Variants in RASA1 observed in about 807,000 individuals in gnomAD.
RASA1 encodes the protein RAS p21 protein activator 1.
A neutral mutation model predicts 132.2 loss-of-function variants in RASA1; 25 were observed. The observed-to-expected ratio is 0.19, with a 90% confidence interval of 0.14 to 0.26. RASA1 has a LOEUF of 0.26. Ranked by LOEUF, RASA1 falls within the 10% of genes least tolerant of loss-of-function variation. The pLI is 1.00. For missense variants in RASA1, 964 were observed against 1,299.2 expected (o/e 0.74, Z 3.97); for synonymous variants, 477 against 449.9 (o/e 1.06, Z -0.76).
At chr5:87,351,056 C>G in intron 8 of RASA1, among the ~76,000 whole-genome samples, 1 of 151,488 alleles carries the variant, frequency 6.6e-6, no homozygotes, top group East Asian at 1.9e-4. Flanking sequence ...TCGAACACAG[C>G]CATACTCTGC....
chr5:87,299,241 C>T (rs903697467), intron 1 of RASA1, among the ~76,000 whole-genome samples: 1 of 152,144 alleles, frequency 6.6e-6, no homozygotes, highest in Non-Finnish European at 1.5e-5. Flanking sequence ...TTTTGAGAAA[C>T]ATAGTAATAG....
Position 87,372,238 on chromosome 5 carries a change from T to A in RASA1, c.1776+43T>A, listed in dbSNP as rs370633071. The A allele has an allele frequency of 5.0e-5, 78 of 1,547,776 alleles. No homozygotes were observed. The African/African-American group carries it at 1.0e-3, about 20-fold the overall frequency. On this transcript the variant is annotated intron_variant, in intron 13 of 24. Coordinates refer to ENST00000274376, the MANE Select transcript of RASA1 (RefSeq NM_002890.3). ...TGGATTTTTAATTGTCACATTTTGC[T>A]CTAACACTTTGCTCTTTTTATTTTA...
chr5:87,319,109 G>T (rs920468096), intron 1 of RASA1, among the ~76,000 whole-genome samples: 3 of 152,222 alleles, frequency 2.0e-5, no homozygotes, highest in Non-Finnish European at 4.4e-5. Flanking sequence ...GATGCAAGGG[G>T]TGGCCTCCTA....
intron 1 of RASA1, among the ~76,000 whole-genome samples, chr5:87,298,836 C>A (rs1230913293): frequency 2.0e-5 from 3 of 152,146 alleles, no homozygotes; most frequent in Non-Finnish European, 2.9e-5. Flanking sequence ...AATTACTAGC[C>A]AGTTAACAAG....
At position 87,376,952 on chromosome 5, in the gene RASA1, G is replaced by A. The variant is rs1388677749; in HGVS notation, c.2256G>A (p.Leu752=). 1.2e-5 allele frequency: 19 copies of A among 1,611,180 alleles called. No homozygotes were observed. In the East Asian group the frequency reaches 4.2e-4, roughly 36 times the overall value. ...TATGTGGACAAGACCGAACACTACT[G>A]GCCAGCATCCTACTGAGGATTTTTC... is the stretch of plus-strand genomic sequence containing the variant. The part of the protein sequence containing the change: ...SHVCGQDRTL[L]ASILLRIFLH... The change falls in exon 17 of 25, where the codon CTG becomes CTA. Residue 752 remains leucine, a synonymous_variant. Coordinates refer to ENST00000274376, the MANE Select transcript of RASA1 (RefSeq NM_002890.3).
intron 8 of RASA1, among the ~76,000 whole-genome samples, chr5:87,352,193 A>G (rs1225708660): frequency 6.6e-6 from 1 of 151,638 alleles, no homozygotes; most frequent in African/African-American, 2.4e-5. Flanking sequence ...TATTAAGTTC[A>G]TTCATACACT....
chr5:87,375,073 C>A (rs1452648516), intron 15 of RASA1, among the ~76,000 whole-genome samples, 157 bp downstream of exon 15: 2 of 151,956 alleles, frequency 1.3e-5, no homozygotes, highest in Non-Finnish European at 2.9e-5. Context: ...TATTGATTAT[C>A]AAGAAAGAAT....
intron 23 of RASA1, among the ~76,000 whole-genome samples, chr5:87,388,157 G>A (rs1457313380): frequency 6.6e-6 from 1 of 152,130 alleles, no homozygotes; most frequent in African/African-American, 2.4e-5. Context: ...TTATTCTAAA[G>A]TCCTTTCTAC....
chr5:87,299,155 A>G (rs575771242), intron 1 of RASA1, among the ~76,000 whole-genome samples: 1 of 152,344 alleles, frequency 6.6e-6, no homozygotes, highest in South Asian at 2.1e-4. Flanking sequence ...AGTCATTAAT[A>G]TACTAAACAA....
intron 24 of RASA1, among the ~76,000 whole-genome samples, chr5:87,390,083 T>TTCTA (rs1453913286): frequency 4.6e-5 from 7 of 152,234 alleles, no homozygotes; most frequent in Admixed American, 1.3e-4. Context: ...ATTGATAGAC[T>TTCTA]TCTATCTGCC....
intron 1 of RASA1, among the ~76,000 whole-genome samples, chr5:87,303,410 G>A (rs1755466537): frequency 6.6e-6 from 1 of 151,320 alleles, no homozygotes; most frequent in Non-Finnish European, 1.5e-5. Context: ...TCTTGAGGTA[G>A]ATACTTAAAT....
At chr5:87,308,414 C>A (rs367986178) in intron 1 of RASA1, among the ~76,000 whole-genome samples, 1 of 151,936 alleles carries the variant, frequency 6.6e-6, no homozygotes, top group African/African-American at 2.4e-5. Context: ...ACAGACTGAT[C>A]TTTTTATTTT....
In RASA1 at chr5:87,391,298, A is replaced by T; in HGVS notation, c.*415A>T. The T allele has an allele frequency of 2.8e-6, 1 of 360,706 alleles. No individual in the cohort carries two copies. The highest frequency in any genetic ancestry group is 4.4e-5 in the East Asian group (1 of 22,974). 22.3% of individuals were successfully genotyped at this position (360,706 alleles called of 1,614,324 possible). On this transcript the variant is annotated 3_prime_UTR_variant, in exon 25 of 25. Coordinates refer to ENST00000274376, the MANE Select transcript of RASA1 (RefSeq NM_002890.3). ...CACATTCTTATTGACAATTGTGTATAACTGGATTGCAGACTGTTCTTACTG... is the reference window on the plus strand; with the variant it reads ...CACATTCTTATTGACAATTGTGTATTACTGGATTGCAGACTGTTCTTACTG...
intron 1 of RASA1, among the ~76,000 whole-genome samples, chr5:87,277,356 C>A (rs1754112480): frequency 6.6e-6 from 1 of 152,136 alleles, no homozygotes; most frequent in African/African-American, 2.4e-5. Context: ...ACCAATGTAA[C>A]TGAATTTGGA....
chr5:87,359,850 T>TTC (rs1334203825), intron 9 of RASA1, among the ~76,000 whole-genome samples: 1 of 152,232 alleles, frequency 6.6e-6, no homozygotes, highest in African/African-American at 2.4e-5. Flanking sequence ...CAAATTTTTG[T>TTC]TCCATGTTTT....
intron 6 of RASA1, among the ~76,000 whole-genome samples, chr5:87,342,549 T>C (rs373631320): frequency 3.3e-5 from 5 of 152,186 alleles, no homozygotes; most frequent in African/African-American, 1.2e-4. Flanking sequence ...CCCAGTTTTC[T>C]TTAGACACAA....
intron 1 of RASA1, among the ~76,000 whole-genome samples, chr5:87,322,304 A>G (rs1756882381): frequency 6.6e-6 from 1 of 152,226 alleles, no homozygotes; most frequent in Non-Finnish European, 1.5e-5. Context: ...AGCTTAGATC[A>G]GCAGCAGCAT....
At chr5:87,272,840 A>G (rs754493785) in intron 1 of RASA1, among the ~76,000 whole-genome samples, 11 of 152,214 alleles carry the variant, frequency 7.2e-5, no homozygotes, top group Non-Finnish European at 1.3e-4. Context: ...AGTGTTCTCT[A>G]TAAATTCCTA....
At chr5:87,331,017 T>TACTTAGAAAAATAAAAGA in intron 1 of RASA1, 1 of 1,364,746 alleles carries the variant, frequency 7.3e-7, no homozygotes, top group Non-Finnish European at 9.6e-7. Context: ...TGTCTATCTT[T>TACTTAGAAAAATAAAAGA]TATTTTTCTA....
Sources: gnomAD v4.1 joint callset for allele counts (sites outside exome capture counted in the v4.1 genomes callset) on GRCh38, gnomAD v4.1.1 for gene constraint, MANE v1.5 for transcripts, NCBI Gene and HGNC (gene_info 2026-07-23, HGNC 2026-07-21) for gene names.